Variants in DZIP1L observed in about 807,000 individuals in gnomAD.
DZIP1L encodes the protein cilium assembly protein DZIP1L.
Under a neutral mutation model 88.7 loss-of-function variants are expected in DZIP1L, and 90 were observed. The ratio of observed to expected loss-of-function variants is 1.02; its 90% confidence interval spans 0.86 to 1.21. The LOEUF (loss-of-function observed/expected upper bound fraction) is 1.21, where lower values mean the gene tolerates loss of function less well. Among genes scored for constraint, DZIP1L ranks in the 50% most tolerant of loss-of-function variants. DZIP1L has a pLI of 0.00. For missense variants in DZIP1L, 932 were observed against 955.8 expected (o/e 0.98, Z 0.33); for synonymous variants, 363 against 372.1 (o/e 0.98, Z 0.28).
chr3:138,086,728 T>C (rs1943958581), intron 7 of DZIP1L, among the ~76,000 whole-genome samples: 1 of 152,174 alleles, frequency 6.6e-6, no homozygotes, highest in South Asian at 2.1e-4. Context: ...ATGTGTTCGA[T>C]TCAGAGGAGA....
At chr3:138,112,686 C>T (rs888991669) in intron 1 of DZIP1L, among the ~76,000 whole-genome samples, 16 of 152,172 alleles carry the variant, frequency 1.1e-4, no homozygotes, top group Admixed American at 3.3e-4. Context: ...GTGGCTCTCG[C>T]CTGTAATCCC....
At chr3:138,071,991 G>T (rs1160865567) in intron 11 of DZIP1L, among the ~76,000 whole-genome samples, 156 bp from the exon 12 acceptor site, 1 of 152,208 alleles carries the variant, frequency 6.6e-6, no homozygotes, top group Non-Finnish European at 1.5e-5. Context: ...GATCAGAGAA[G>T]GGTAAGCAGC....
intron 12 of DZIP1L, among the ~76,000 whole-genome samples, chr3:138,071,430 C>T (rs1349200911): frequency 1.3e-5 from 2 of 152,186 alleles, no homozygotes; most frequent in Non-Finnish European, 2.9e-5. Context: ...CCCGAGTGAC[C>T]CTGGACAAAT....
intron 1 of DZIP1L, among the ~76,000 whole-genome samples, chr3:138,114,948 T>C (rs945673042): frequency 3.9e-5 from 6 of 152,146 alleles, no homozygotes; most frequent in Admixed American, 3.9e-4. Flanking sequence ...CCTACGGCAC[T>C]CAGATCATCA....
At chr3:138,078,188 T>G (rs1943499431) in intron 10 of DZIP1L, among the ~76,000 whole-genome samples, 1 of 152,190 alleles carries the variant, frequency 6.6e-6, no homozygotes, top group Admixed American at 6.5e-5. Context: ...TACAATTAAA[T>G]GTGGTAAGTG....
chr3:138,111,051 T>C (rs2042611237), intron 1 of DZIP1L, among the ~76,000 whole-genome samples: 1 of 152,096 alleles, frequency 6.6e-6, no homozygotes, highest in South Asian at 2.1e-4. Flanking sequence ...CCAGGATGCT[T>C]CTGTCTCCTT....
intron 9 of DZIP1L, 83 bp from the exon 10 acceptor site, chr3:138,080,703 G>C: frequency 6.9e-7 from 1 of 1,450,844 alleles, no homozygotes; most frequent in Non-Finnish European, 9.5e-7. Context: ...CCCCAGCTGA[G>C]TATGAGCCAG....
At chr3:138,102,404 C>T in intron 2 of DZIP1L, 1 of 1,341,490 alleles carries the variant, frequency 7.5e-7, no homozygotes, top group Admixed American at 1.7e-5. Context: ...AGTCCTCCAC[C>T]CAGCCCCTGC....
At chr3:138,077,464 G>T (rs757999552) in intron 11 of DZIP1L, 35 bp downstream of exon 11, 1 of 1,612,620 alleles carries the variant, frequency 6.2e-7, no homozygotes, top group African/African-American at 1.3e-5. Flanking sequence ...TAAATCGTAG[G>T]TATCAGCCCT....
In DZIP1L at chr3:138,094,933, G is replaced by C; in HGVS notation, c.637C>G (p.Arg213Gly). 1 of 1,614,224 alleles carries C rather than the reference G, an allele frequency of 6.2e-7. No individual in the cohort carries two copies. Among genetic ancestry groups the C allele is most frequent in the Non-Finnish European group, 8.5e-7 (1 of 1,180,038 alleles). Reference sequence around the variant, plus strand: ...CCTTGGGTCCACTTTAGCTTGGCCCGTAGCTCTTCTAACACCTCTTCCACT... The same window carrying C: ...CCTTGGGTCCACTTTAGCTTGGCCCCTAGCTCTTCTAACACCTCTTCCACT... The part of the protein sequence containing the change: ...QPVEEVLEEL[R>G]AKLKWTQGEL... Residue 213 changes from arginine (R) to glycine (G), a missense_variant, in exon 4 of 16, where the codon CGG becomes GGG. Physicochemically the swap from Arg to Gly is moderately radical, Grantham distance 125 (BLOSUM62 -2). Transcript: ENST00000327532.
chr3:138,115,074 C>T (rs1442232788), intron 1 of DZIP1L, among the ~76,000 whole-genome samples: 1 of 152,158 alleles, frequency 6.6e-6, no homozygotes, highest in Non-Finnish European at 1.5e-5. Context: ...GTCCTTCCCT[C>T]CCTGGGCGCC....
In DZIP1L at chr3:138,063,093, G is replaced by T; in HGVS notation, c.2143-116C>A. ...TGGAAATGGGGACAAATGCAGACTG[G>T]GAAGAAAGCAATAGGGAGATGCTAC... On this transcript the variant is annotated intron_variant, in intron 15 of 15. Transcript: ENST00000327532. The surrounding 1 kb of genome is among the most constrained non-coding windows in gnomAD (Gnocchi z 4.1). 8.6e-7 allele frequency: 1 copy of T among 1,169,410 alleles called. No homozygotes were observed. The highest frequency in any genetic ancestry group is 1.2e-6 in the Non-Finnish European group (1 of 828,608). 72.4% of individuals were successfully genotyped at this position (1,169,410 alleles called of 1,614,324 possible).
At position 138,071,844 on chromosome 3, in the gene DZIP1L, G is replaced by GA; in HGVS notation, c.1423-10dup. The GA allele has an allele frequency of 6.2e-7, 1 of 1,607,876 alleles. No individual in the cohort carries two copies. Among genetic ancestry groups the GA allele is most frequent in the South Asian group, 1.1e-5 (1 of 90,394 alleles). On this transcript the variant is annotated splice_polypyrimidine_tract_variant and intron_variant, in intron 11 of 15. Coordinates refer to ENST00000327532, the MANE Select transcript of DZIP1L (RefSeq NM_173543.3). ...GAGATTCCCTTTGCATCCTAGAGGAGACAGGAGTTCACCTTTACAGAGAGA... is the reference window on the plus strand; with the variant it reads ...GAGATTCCCTTTGCATCCTAGAGGAGAACAGGAGTTCACCTTTACAGAGAGA...
chr3:138,081,644 C>G (rs1392252762), intron 9 of DZIP1L, 90 bp downstream of exon 9: 2 of 1,357,744 alleles, frequency 1.5e-6, no homozygotes, highest in Non-Finnish European at 2.0e-6. Context: ...ATCCACCACC[C>G]ATGAATTGAC....
At chr3:138,077,133 T>C (rs894705374) in intron 11 of DZIP1L, among the ~76,000 whole-genome samples, 3 of 152,094 alleles carry the variant, frequency 2.0e-5, no homozygotes, top group African/African-American at 7.2e-5. Context: ...GGCTTGCAGA[T>C]GGATACTTAC....
rs536288321 is a variant in DZIP1L, at chr3:138,110,675, C to T, written c.-82+4653G>A. 3.0e-4 allele frequency among the ~76,000 whole-genome samples: 45 copies of T among 152,214 alleles called. 1 individual carries two copies. In the South Asian group the frequency reaches 7.0e-3, roughly 24 times the overall value. On this transcript the variant is annotated intron_variant, in intron 1 of 15. Coordinates refer to ENST00000327532, the MANE Select transcript of DZIP1L (RefSeq NM_173543.3). ...AGTGCCAGGCATCATGACTGGCACT[C>T]GGGATCAATGTTGACCTGGGCAACT... is the stretch of plus-strand genomic sequence containing the variant.
chr3:138,077,033 A>G (rs552984225), intron 11 of DZIP1L, among the ~76,000 whole-genome samples: 38 of 152,340 alleles, frequency 2.5e-4, no homozygotes, highest in African/African-American at 9.1e-4. Flanking sequence ...CAAAAAAAAA[A>G]ACAAATAATT....
At chr3:138,064,586 G>A (rs1559818911) in intron 15 of DZIP1L, 42 bp downstream of exon 15, 1 of 1,614,026 alleles carries the variant, frequency 6.2e-7, no homozygotes, top group Middle Eastern at 1.7e-4. Flanking sequence ...AGCTGGTTCT[G>A]TAGAGAATTC....
chr3:138,067,543 C>A lies in DZIP1L; in HGVS notation c.1990G>T (p.Gly664Cys). 1 of 1,605,384 alleles carries A rather than the reference C, an allele frequency of 6.2e-7. No homozygotes were observed. The highest frequency in any genetic ancestry group is 8.5e-7 in the Non-Finnish European group (1 of 1,176,258). ...GGTGCCAGCTCACCTGAGCCCTGGC[C>A]AGGGGGCTGGGCATTCTCCTCCGAG... ...ETSEENAQPP[G>C]QGSGTLVQSM... Residue 664 changes from glycine (G) to cysteine (C), a missense_variant, in exon 14 of 16, where the codon GGC becomes TGC. Coordinates refer to ENST00000327532, the MANE Select transcript of DZIP1L (RefSeq NM_173543.3).
Sources: allele counts gnomAD v4.1 joint callset (sites outside exome capture counted in the v4.1 genomes callset), GRCh38; gene constraint gnomAD v4.1.1; non-coding constraint Gnocchi (gnomAD v3.1); transcripts MANE v1.5; gene names NCBI Gene and HGNC (gene_info 2026-07-23, HGNC 2026-07-21).